Variants in NOL4 observed in about 807,000 individuals in gnomAD.
NOL4 encodes nucleolar protein 4.
NOL4 carries 17 observed loss-of-function variants against 75.9 expected under a neutral mutation model. The observed-to-expected ratio is 0.22, with a 90% confidence interval of 0.15 to 0.34. The LOEUF (loss-of-function observed/expected upper bound fraction) is 0.34, where lower values mean the gene tolerates loss of function less well. NOL4 is among the 10% of genes least tolerant of loss of function. The pLI, the probability that NOL4 is intolerant of heterozygous loss-of-function variation, is 1.00. For synonymous variants in NOL4, 292 were observed against 289.9 expected, an observed-to-expected ratio of 1.01 and a Z score of -0.07; for missense variants, 614 against 793.5, an observed-to-expected ratio of 0.77 and a Z score of 2.72.
intron 1 of NOL4, among the ~76,000 whole-genome samples, chr18:34,135,595 G>A (rs1051488154): frequency 6.6e-6 from 1 of 150,526 alleles, no homozygotes; most frequent in South Asian, 2.1e-4. Flanking sequence ...TACTTGGGAG[G>A]CTGAGGCAGG....
chr18:34,065,309 G>A (rs1230507619), intron 5 of NOL4, among the ~76,000 whole-genome samples: 3 of 151,912 alleles, frequency 2.0e-5, no homozygotes, highest in East Asian at 3.9e-4. Flanking sequence ...TTTCTCTGGA[G>A]GTTAAAATGT....
chr18:34,016,361 T>C (rs2074692934), intron 6 of NOL4, among the ~76,000 whole-genome samples: 1 of 152,052 alleles, frequency 6.6e-6, no homozygotes, highest in Non-Finnish European at 1.5e-5. Context: ...CAGAATAATT[T>C]TTATAAAATT....
At chr18:34,142,346 A>G (rs1219414353) in intron 1 of NOL4, among the ~76,000 whole-genome samples, 3 of 152,206 alleles carry the variant, frequency 2.0e-5, no homozygotes, top group Non-Finnish European at 1.5e-5. Flanking sequence ...TACCCAAAGG[A>G]TTATAAATCA....
intron 6 of NOL4, among the ~76,000 whole-genome samples, chr18:34,016,951 C>T (rs142156943): frequency 5.8e-4 from 88 of 152,174 alleles, no homozygotes; most frequent in African/African-American, 2.0e-3. Context: ...TGTTCTTCCT[C>T]AATGCCATGA....
chr18:33,856,476 T>C (rs531499007), intron 10 of NOL4, among the ~76,000 whole-genome samples: 1 of 152,142 alleles, frequency 6.6e-6, no homozygotes, highest in South Asian at 2.1e-4. Flanking sequence ...TAAATAATCA[T>C]GTTTGCTTTA....
At chr18:34,064,565 T>G (rs1199511787) in intron 5 of NOL4, among the ~76,000 whole-genome samples, 1 of 151,992 alleles carries the variant, frequency 6.6e-6, no homozygotes, top group Non-Finnish European at 1.5e-5. Context: ...TTTATCCTGA[T>G]AGATTAGCAT....
chr18:34,043,159 A>G (rs2076211967), intron 5 of NOL4, among the ~76,000 whole-genome samples: 1 of 152,130 alleles, frequency 6.6e-6, no homozygotes, highest in Admixed American at 6.6e-5. Context: ...TACAGTGTGC[A>G]TGATTTTCTT....
At chr18:34,213,389 A>G (rs1018444467) in intron 1 of NOL4, among the ~76,000 whole-genome samples, 2 of 152,178 alleles carry the variant, frequency 1.3e-5, no homozygotes, top group Non-Finnish European at 2.9e-5. Flanking sequence ...TCCCGGCTTC[A>G]AGCGATTCTC....
At chr18:34,078,961 G>A (rs1171284582) in intron 5 of NOL4, among the ~76,000 whole-genome samples, 4 of 152,046 alleles carry the variant, frequency 2.6e-5, no homozygotes, top group African/African-American at 7.2e-5. Context: ...AAATTCACAT[G>A]GTCATCAACT....
At chr18:34,099,665 T>C (rs894426424) in intron 4 of NOL4, among the ~76,000 whole-genome samples, 6 of 152,138 alleles carry the variant, frequency 3.9e-5, no homozygotes, top group African/African-American at 1.4e-4. Flanking sequence ...CTGATATTTA[T>C]CACCCCTTGA....
At chr18:34,034,220 A>T (rs2075777518) in intron 5 of NOL4, among the ~76,000 whole-genome samples, 1 of 152,200 alleles carries the variant, frequency 6.6e-6, no homozygotes, top group Non-Finnish European at 1.5e-5. Flanking sequence ...AGGAACAAAG[A>T]ATATACTAAA....
chr18:34,219,331 G>C (rs1343861928), intron 1 of NOL4, among the ~76,000 whole-genome samples: 1 of 152,158 alleles, frequency 6.6e-6, no homozygotes, highest in Non-Finnish European at 1.5e-5. Context: ...TTCTTTGCTT[G>C]ATACTGAAAG....
intron 5 of NOL4, among the ~76,000 whole-genome samples, chr18:34,086,612 G>A (rs921083426): frequency 6.6e-6 from 1 of 152,026 alleles, no homozygotes; most frequent in Non-Finnish European, 1.5e-5. Flanking sequence ...TTTACTGCTG[G>A]TTTATACACT....
At chr18:33,891,852 T>C (rs140221964) in intron 9 of NOL4, among the ~76,000 whole-genome samples, 90 of 152,308 alleles carry the variant, frequency 5.9e-4, no homozygotes, top group African/African-American at 2.1e-3. Context: ...AGATAATTTA[T>C]TCCATTAATA....
intron 6 of NOL4, among the ~76,000 whole-genome samples, chr18:33,995,119 T>A (rs1225383532): frequency 6.6e-6 from 1 of 151,540 alleles, no homozygotes; most frequent in Non-Finnish European, 1.5e-5. Flanking sequence ...GAGTTAGTAG[T>A]CAAAAACTAT....
intron 1 of NOL4, among the ~76,000 whole-genome samples, chr18:34,130,591 C>A (rs1467232443): frequency 2.0e-5 from 3 of 152,018 alleles, no homozygotes; most frequent in Admixed American, 1.3e-4. Context: ...AAATTTAGAT[C>A]TTCTACTTGG....
intron 5 of NOL4, among the ~76,000 whole-genome samples, chr18:34,087,481 T>C (rs1485932070): frequency 6.6e-6 from 1 of 152,074 alleles, no homozygotes; most frequent in Non-Finnish European, 1.5e-5. Flanking sequence ...ACACTTTGTT[T>C]CCATATCTTT....
chr18:34,164,573 T>A (rs1332185378), intron 1 of NOL4, among the ~76,000 whole-genome samples: 2 of 152,050 alleles, frequency 1.3e-5, no homozygotes, highest in Non-Finnish European at 2.9e-5. Context: ...ATGGCAATCA[T>A]TAAAAAGTCA....
intron 6 of NOL4, among the ~76,000 whole-genome samples, chr18:33,973,217 T>C (rs968941382): frequency 2.6e-5 from 4 of 152,238 alleles, no homozygotes; most frequent in African/African-American, 9.6e-5. Flanking sequence ...AGATGCTATC[T>C]TAAGAAACTA....
Sources: allele counts gnomAD v4.1 joint callset (sites outside exome capture counted in the v4.1 genomes callset), GRCh38; gene constraint gnomAD v4.1.1; transcripts MANE v1.5; gene names NCBI Gene and HGNC (gene_info 2026-07-23, HGNC 2026-07-21).